The following GAK variants were observed in gnomAD, a reference collection of about 807,000 sequenced individuals.
The protein encoded by GAK is cyclin G associated kinase.
Under a neutral mutation model 143.9 loss-of-function variants are expected in GAK, and 79 were observed. The ratio of observed to expected loss-of-function variants is 0.55; its 90% CI spans 0.46 to 0.66. The LOEUF (loss-of-function observed/expected upper bound fraction) is 0.66. Among genes scored for constraint, GAK ranks in the 30% least tolerant of loss-of-function variants. The probability of loss-of-function intolerance (pLI) is 0.00; values close to 1 mark genes in which losing one functional copy is unlikely to be tolerated. For synonymous variants in GAK, 881 were observed against 765.5 expected (o/e 1.15, Z -2.49); for missense variants, 1,693 against 1,779.7 (o/e 0.95, Z 0.88).
chr4:914,601 CAT>C (rs2152948236), intron 1 of GAK, among the ~76,000 whole-genome samples: 3 of 129,456 alleles, frequency 2.3e-5, no homozygotes, highest in Non-Finnish European at 3.3e-5. Flanking sequence ...GCCCCACACA[CAT>C]AGCCCCAGCG....
intron 1 of GAK, 45 bp from the exon 2 acceptor site, chr4:913,713 T>C (rs776213293): frequency 2.8e-5 from 41 of 1,482,008 alleles, no homozygotes; most frequent in Non-Finnish European, 3.5e-5. Flanking sequence ...TGATTTTATT[T>C]AACATATCAG....
At chr4:926,431 C>T in intron 1 of GAK, among the ~76,000 whole-genome samples, 1 of 152,190 alleles carries the variant, frequency 6.6e-6, no homozygotes, top group Non-Finnish European at 1.5e-5. Flanking sequence ...CTCCCTGGGG[C>T]TCCCAGCCCC....
At chr4:916,960 A>G (rs1052644681) in intron 1 of GAK, among the ~76,000 whole-genome samples, 1 of 152,264 alleles carries the variant, frequency 6.6e-6, no homozygotes, top group Non-Finnish European at 1.5e-5. Flanking sequence ...GTGAATGAAC[A>G]AATTACCCAC....
At chr4:920,754 G>C (rs937098675) in intron 1 of GAK, among the ~76,000 whole-genome samples, 4 of 151,936 alleles carry the variant, frequency 2.6e-5, no homozygotes, top group African/African-American at 4.8e-5. Flanking sequence ...ATGTTGGCCA[G>C]GATGGTCTCG....
chr4:881,848 G>T (rs1255221876), intron 15 of GAK, 59 bp downstream of exon 15: 2 of 1,509,386 alleles, frequency 1.3e-6, no homozygotes, highest in East Asian at 5.0e-5. Flanking sequence ...CACAGCGGGG[G>T]CGGCAGTGCC....
At chr4:890,505 G>C in intron 10 of GAK, 27 bp downstream of exon 10, 1 of 1,553,302 alleles carries the variant, frequency 6.4e-7, no homozygotes, top group Non-Finnish European at 8.8e-7. Flanking sequence ...CGAGGGACAG[G>C]TGGCGGGCAC....
chr4:855,534 G>A (rs950545516), intron 24 of GAK, among the ~76,000 whole-genome samples: 2 of 152,218 alleles, frequency 1.3e-5, no homozygotes, highest in African/African-American at 4.8e-5. Context: ...GCAGACAGGA[G>A]TAATTTTATT....
At position 911,736 on chromosome 4, in the gene GAK, T is replaced by A; in HGVS notation, c.319A>T (p.Ile107Leu). Reference protein sequence around the residue: ...NIVQFCSAASIGKEESDTGQA... With the variant: ...NIVQFCSAASLGKEESDTGQA... ...CCCGTGTCTGACTCCTCTTTTCCTATAGACGCTGCAGAACAAAACTGGACA... is the reference window on the plus strand; with the variant it reads ...CCCGTGTCTGACTCCTCTTTTCCTAAAGACGCTGCAGAACAAAACTGGACA... The change falls in exon 4 of 28, where the codon ATA becomes TTA. Residue 107 changes from isoleucine to leucine, a missense_variant. Physicochemically the swap from Ile to Leu is conservative, Grantham distance 5. Transcript: ENST00000314167. 1 of 1,614,048 alleles carries A rather than the reference T, an allele frequency of 6.2e-7. No homozygotes were observed. The highest frequency in any genetic ancestry group is 8.5e-7 in the Non-Finnish European group (1 of 1,179,958).
At chr4:926,565 T>C (rs1724780802) in intron 1 of GAK, among the ~76,000 whole-genome samples, 2 of 152,196 alleles carry the variant, frequency 1.3e-5, no homozygotes, top group Admixed American at 1.3e-4. Context: ...ACAATCCACA[T>C]AAAGTACTAC....
chr4:876,042 T>C lies in GAK; in HGVS notation c.2054+488A>G, dbSNP rs538230415. On this transcript the variant is annotated intron_variant, in intron 18 of 27. Coordinates refer to ENST00000314167, the MANE Select transcript of GAK (RefSeq NM_005255.4). ...ACCTGAGCCTGCAGAGGGCAGGGTA[T>C]GCGCTGTTGGGCACCAACGTCAAGA... 3.3e-5 allele frequency among the ~76,000 whole-genome samples: 5 copies of C among 151,366 alleles called. No homozygotes were observed. The South Asian group carries it at 1.0e-3, about 32-fold the overall frequency.
At chr4:922,257 G>C (rs1461635680) in intron 1 of GAK, among the ~76,000 whole-genome samples, 1 of 152,114 alleles carries the variant, frequency 6.6e-6, no homozygotes, top group Non-Finnish European at 1.5e-5. Flanking sequence ...GCTCAGGCCT[G>C]TGATCCCAGC....
intron 20 of GAK, among the ~76,000 whole-genome samples, chr4:868,032 G>A (rs969663061): frequency 2.6e-5 from 4 of 152,240 alleles, no homozygotes; most frequent in Non-Finnish European, 4.4e-5. Context: ...AGCCCGATGG[G>A]AAGGCCAGGG....
intron 5 of GAK, 125 bp from the exon 6 acceptor site, chr4:898,283 TG>T: frequency 9.1e-7 from 1 of 1,101,222 alleles, no homozygotes; most frequent in South Asian, 1.5e-5. Context: ...GGGCCACGGC[TG>T]CCGGGTGCCT....
At chr4:892,909 C>G (rs1485075586) in intron 9 of GAK, among the ~76,000 whole-genome samples, 1 of 152,202 alleles carries the variant, frequency 6.6e-6, no homozygotes, top group South Asian at 2.1e-4. Context: ...AGCATGCCCC[C>G]GGGGTCTCGG....
At chr4:921,288 A>G (rs1227309169) in intron 1 of GAK, among the ~76,000 whole-genome samples, 2 of 152,140 alleles carry the variant, frequency 1.3e-5, no homozygotes, top group Admixed American at 6.5e-5. Flanking sequence ...TTTTTAGTAG[A>G]GACGGGGTTT....
chr4:866,476 A>G lies in GAK; in HGVS notation c.2931T>C (p.Asn977=). The G allele has an allele frequency of 2.5e-6, 4 of 1,614,124 alleles. No individual in the cohort carries two copies. Among genetic ancestry groups the G allele is most frequent in the Non-Finnish European group, 3.4e-6 (4 of 1,179,990 alleles). Reference sequence around the variant, plus strand: ...TGAGAAATTCGCCGAAGAGATCAGGATTGGAGCAGGGCTGGGAGTTGTTGC... The same window carrying G: ...TGAGAAATTCGCCGAAGAGATCAGGGTTGGAGCAGGGCTGGGAGTTGTTGC... ...SSGNNSQPCS[N]PDLFGEFLNS... The change falls in exon 22 of 28, where the codon AAT becomes AAC. Residue 977 remains asparagine (N), a synonymous_variant. Coordinates refer to ENST00000314167, the MANE Select transcript of GAK (RefSeq NM_005255.4).
intron 5 of GAK, among the ~76,000 whole-genome samples, chr4:902,036 G>C (rs368363525): frequency 3.9e-5 from 6 of 152,144 alleles, no homozygotes; most frequent in Admixed American, 3.9e-4. Flanking sequence ...TCAGGAGTTC[G>C]AAACCAGCCT....
Position 867,121 on chromosome 4 carries a change from C to T in GAK, c.2707G>A (p.Ala903Thr). The change falls in exon 21 of 28, where the codon GCC becomes ACC. Residue 903 changes from alanine (A) to threonine (T), a missense_variant. Physicochemically the swap from Ala to Thr is moderately conservative, Grantham distance 58. Coordinates refer to ENST00000314167, the MANE Select transcript of GAK (RefSeq NM_005255.4). ...GPAVPPQACK[A>T]PSSNTDLLSC... ...AGCAGGTCGGTGTTGCTGGAGGGGG[C>T]CTTGCAGGCCTGCGGGGGTACAGCT... 1 of 1,579,424 alleles carries T rather than the reference C, an allele frequency of 6.3e-7. No individual in the cohort carries two copies. Among genetic ancestry groups the T allele is most frequent in the Non-Finnish European group, 8.6e-7 (1 of 1,159,716 alleles).
chr4:882,073 C>G lies in GAK; in HGVS notation c.1528-33G>C. ...AGACAGACACGTCTCGCGTGCGCCTCGCACTCATGCAGGACAAGGGCTCGC... is the reference window on the plus strand; with the variant it reads ...AGACAGACACGTCTCGCGTGCGCCTGGCACTCATGCAGGACAAGGGCTCGC... On this transcript the variant is annotated intron_variant, in intron 14 of 27. Coordinates refer to ENST00000314167, the MANE Select transcript of GAK (RefSeq NM_005255.4). The G allele has an allele frequency of 2.6e-6, 4 of 1,568,236 alleles. No individual in the cohort carries two copies. In the South Asian group the frequency reaches 3.5e-5, roughly 14 times the overall value.
Sources: allele counts gnomAD v4.1 joint callset (sites outside exome capture counted in the v4.1 genomes callset), GRCh38; gene constraint gnomAD v4.1.1; transcripts MANE v1.5; gene names NCBI Gene and HGNC (gene_info 2026-07-23, HGNC 2026-07-21).